The following HPSE2 variants were observed in gnomAD, a reference collection of about 807,000 sequenced individuals.
The protein encoded by HPSE2 is inactive heparanase-2.
Under a neutral mutation model 60.5 loss-of-function variants are expected in HPSE2, and 38 were observed. The ratio of observed to expected loss-of-function variants is 0.63; its 90% CI spans 0.48 to 0.82. The LOEUF is 0.82. HPSE2 is among the 40% of genes least tolerant of loss of function. HPSE2 has a pLI of 0.00. For synonymous variants in HPSE2, 295 were observed against 293.2 expected (o/e 1.01, Z -0.06); for missense variants, 713 against 740.4 (o/e 0.96, Z 0.43).
At chr10:98,633,499 T>C (rs1946418755) in intron 7 of HPSE2, among the ~76,000 whole-genome samples, 1 of 152,174 alleles carries the variant, frequency 6.6e-6, no homozygotes, top group African/African-American at 2.4e-5. Flanking sequence ...AGGTGTGAGC[T>C]GCCACGCCCA....
chr10:99,167,211 A>T (rs1004652814), intron 2 of HPSE2, among the ~76,000 whole-genome samples: 1 of 151,982 alleles, frequency 6.6e-6, no homozygotes, highest in Non-Finnish European at 1.5e-5. Flanking sequence ...GAGTTTCACC[A>T]TGTTGGCCAG....
At chr10:98,512,204 T>A (rs1225576581) in intron 9 of HPSE2, among the ~76,000 whole-genome samples, 1 of 152,214 alleles carries the variant, frequency 6.6e-6, no homozygotes, top group Non-Finnish European at 1.5e-5. Context: ...TCTTTGGAAA[T>A]TTTGAAAGCT....
chr10:98,972,047 C>T (rs1045231970), intron 3 of HPSE2, among the ~76,000 whole-genome samples: 3 of 152,144 alleles, frequency 2.0e-5, no homozygotes, highest in East Asian at 1.9e-4. Flanking sequence ...TATATCCCCT[C>T]GAGCCTTTCA....
chr10:98,630,872 T>C (rs1231562788), intron 7 of HPSE2, among the ~76,000 whole-genome samples: 1 of 152,176 alleles, frequency 6.6e-6, no homozygotes, highest in Non-Finnish European at 1.5e-5. Flanking sequence ...TCCTCACAGT[T>C]CCAGTTTAGG....
At chr10:98,699,528 C>A (rs1363259353) in intron 5 of HPSE2, among the ~76,000 whole-genome samples, 1 of 115,632 alleles carries the variant, frequency 8.6e-6, no homozygotes, top group Non-Finnish European at 1.9e-5. Flanking sequence ...AACCCACAGC[C>A]AATATCATAC....
chr10:99,077,732 G>C (rs916350861), intron 3 of HPSE2, among the ~76,000 whole-genome samples: 14 of 151,684 alleles, frequency 9.2e-5, no homozygotes, highest in African/African-American at 3.2e-4. Flanking sequence ...GTGTGTGTGT[G>C]TGTGTACTAC....
chr10:98,556,456 TACTA>T (rs1415907478), intron 9 of HPSE2, among the ~76,000 whole-genome samples: 6 of 152,340 alleles, frequency 3.9e-5, no homozygotes, highest in African/African-American at 1.4e-4. Flanking sequence ...CTATTAGAAT[TACTA>T]AGTGAATTTT....
At chr10:98,794,589 T>C (rs1950732367) in intron 3 of HPSE2, among the ~76,000 whole-genome samples, 2 of 152,206 alleles carry the variant, frequency 1.3e-5, no homozygotes, top group South Asian at 4.1e-4. Context: ...TAATATTTTC[T>C]TGTCTTTCAT....
chr10:98,541,707 T>C (rs529508), intron 9 of HPSE2, among the ~76,000 whole-genome samples: 124,992 of 146,564 alleles, frequency 0.85, 54,162 homozygotes, highest in East Asian at 1. Context: ...CACGGAGTCT[T>C]GCTGATTGCT....
intron 6 of HPSE2, among the ~76,000 whole-genome samples, chr10:98,662,068 G>A (rs1341755751): frequency 6.6e-6 from 1 of 152,072 alleles, no homozygotes; most frequent in Non-Finnish European, 1.5e-5. Flanking sequence ...CTAATTTTTT[G>A]TATTTTAGTA....
intron 3 of HPSE2, among the ~76,000 whole-genome samples, chr10:98,864,101 C>T (rs1205003776): frequency 6.6e-6 from 1 of 152,104 alleles, no homozygotes; most frequent in Non-Finnish European, 1.5e-5. Context: ...CATTAATTTA[C>T]ATCACTAATC....
intron 5 of HPSE2, among the ~76,000 whole-genome samples, chr10:98,711,375 A>G (rs368363123): frequency 2.0e-5 from 3 of 152,156 alleles, no homozygotes; most frequent in East Asian, 1.9e-4. Context: ...TGTAAGTGTG[A>G]ACATTGAGGA....
chr10:98,620,573 CT>C (rs1946045713), intron 8 of HPSE2, 28 bp downstream of exon 8: 1 of 1,534,426 alleles, frequency 6.5e-7, no homozygotes, highest in African/African-American at 1.4e-5. Flanking sequence ...CTGAAAGCCC[CT>C]GGGGGTGAAC....
At chr10:99,264,593 C>T in the HPSE2 span, among the ~76,000 whole-genome samples, 29 of 152,192 alleles carry the variant, frequency 1.9e-4, no homozygotes, top group African/African-American at 6.0e-4. Flanking sequence ...CCCAAAAACT[C>T]GCTAACCAAG....
intron 2 of HPSE2, among the ~76,000 whole-genome samples, chr10:99,155,971 C>G (rs2135816395): frequency 6.6e-6 from 1 of 151,698 alleles, no homozygotes; most frequent in Non-Finnish European, 1.5e-5. Context: ...ACTATAAACA[C>G]CTCTACGCAA....
chr10:99,227,053 T>A (rs1849496577), intron 2 of HPSE2, among the ~76,000 whole-genome samples: 1 of 152,080 alleles, frequency 6.6e-6, no homozygotes, highest in Non-Finnish European at 1.5e-5. Context: ...GTGGATAAGT[T>A]CAAGGCAAAT....
intron 3 of HPSE2, among the ~76,000 whole-genome samples, chr10:98,987,609 C>G (rs1482123378): frequency 2.0e-5 from 3 of 152,154 alleles, no homozygotes; most frequent in Non-Finnish European, 4.4e-5. Flanking sequence ...TCTCTCACCA[C>G]TCCTATTCAA....
At chr10:99,034,081 T>A (rs1957557323) in intron 3 of HPSE2, among the ~76,000 whole-genome samples, 2 of 152,144 alleles carry the variant, frequency 1.3e-5, no homozygotes, top group Non-Finnish European at 2.9e-5. Flanking sequence ...TGATCCCCAA[T>A]GCAATTCAAT....
At chr10:99,252,640 G>T in the HPSE2 span, among the ~76,000 whole-genome samples, 2 of 152,150 alleles carry the variant, frequency 1.3e-5, no homozygotes, top group Non-Finnish European at 2.9e-5. Flanking sequence ...ACTTTGGGAG[G>T]CTGAGGTGGG....
Sources: allele counts gnomAD v4.1 joint callset (sites outside exome capture counted in the v4.1 genomes callset), GRCh38; gene constraint gnomAD v4.1.1; transcripts MANE v1.5; gene names NCBI Gene and HGNC (gene_info 2026-07-23, HGNC 2026-07-21).